Variants in RPGRIP1L observed in about 807,000 individuals in gnomAD.
RPGRIP1L encodes the protein RPGRIP1 like, also known as protein fantom.
A neutral mutation model predicts 160.4 loss-of-function variants in RPGRIP1L; 131 were observed. The observed-to-expected ratio is 0.82, with a 90% CI of 0.71 to 0.94. The LOEUF (loss-of-function observed/expected upper bound fraction) is 0.94, where lower values mean the gene tolerates loss of function less well. Among genes scored for constraint, RPGRIP1L ranks in the 40% least tolerant of loss-of-function variants. The probability of loss-of-function intolerance (pLI) is 0.00; values close to 1 mark genes in which losing one functional copy is unlikely to be tolerated. For synonymous variants in RPGRIP1L, 510 were observed against 515.8 expected (o/e 0.99, Z 0.15); for missense variants, 1,522 against 1,535.8 (o/e 0.99, Z 0.15).
intron 6 of RPGRIP1L, among the ~76,000 whole-genome samples, chr16:53,681,837 C>T (rs757951008): frequency 1.1e-4 from 17 of 152,204 alleles, no homozygotes; most frequent in East Asian, 1.9e-4. Flanking sequence ...ATTACAACTA[C>T]GTTAGGTTCA....
intron 22 of RPGRIP1L, among the ~76,000 whole-genome samples, chr16:53,626,399 G>C (rs1404547669): frequency 6.6e-6 from 1 of 152,060 alleles, no homozygotes; most frequent in African/African-American, 2.4e-5. Flanking sequence ...TCCCCTCTAC[G>C]TGTATGAATT....
intron 6 of RPGRIP1L, among the ~76,000 whole-genome samples, chr16:53,677,632 T>G (rs1215973072): frequency 1.3e-5 from 2 of 152,006 alleles, no homozygotes; most frequent in African/African-American, 2.4e-5. Context: ...GGTACAAGAA[T>G]AATGGGAGGA....
chr16:53,699,336 C>G (rs1017253509), intron 2 of RPGRIP1L, among the ~76,000 whole-genome samples: 1 of 141,882 alleles, frequency 7.0e-6, no homozygotes, highest in Non-Finnish European at 1.5e-5. Flanking sequence ...CACTATTGTC[C>G]TATGACCCTG....
intron 22 of RPGRIP1L, among the ~76,000 whole-genome samples, chr16:53,629,019 C>T (rs1965345065): frequency 6.6e-6 from 1 of 151,900 alleles, no homozygotes; most frequent in Non-Finnish European, 1.5e-5. Flanking sequence ...TAAATAGATA[C>T]AAACCTGAGG....
chr16:53,626,145 T>TAAAAAAAAAAAAAAAAA (rs760491478), intron 22 of RPGRIP1L, among the ~76,000 whole-genome samples: 3 of 60,534 alleles, frequency 5.0e-5, no homozygotes, highest in African/African-American at 1.3e-4. Context: ...CAATAAATAC[T>TAAAAAAAAAAAAAAAAA]AAAAAAAAAA....
intron 6 of RPGRIP1L, among the ~76,000 whole-genome samples, chr16:53,679,315 G>A (rs1326686674): frequency 1.3e-5 from 2 of 152,108 alleles, no homozygotes; most frequent in African/African-American, 4.8e-5. Flanking sequence ...TCAAATCCTG[G>A]CTCATCTTCT....
In RPGRIP1L at chr16:53,665,041, T is replaced by G. The variant is rs1473078258; in HGVS notation, c.1104-32A>C. 3.7e-6 allele frequency: 6 copies of G among 1,612,546 alleles called. No homozygotes were observed. The East Asian group carries it at 1.1e-4, about 30-fold the overall frequency. On this transcript the variant is annotated intron_variant, in intron 9 of 26. Transcript: ENST00000647211. ...AACACACGTGACATGCAAGGAAAGC[T>G]TGGAAATCAGCTTCAACCGAAAATA...
rs1222851971 is a variant in RPGRIP1L, at chr16:53,659,123, A to G, written c.1244-245T>C. On this transcript the variant is annotated intron_variant, in intron 10 of 26. Transcript: ENST00000647211. ...CAAGACATAAGTTCACAGTATTAAT[A>G]TAAGGAAATTGTGGCCTCTGGGACT... 9 of 623,818 alleles carry G rather than the reference A, an allele frequency of 1.4e-5. No individual in the cohort carries two copies. In the African/African-American group the frequency reaches 1.5e-4, roughly 10 times the overall value. 38.6% of individuals were successfully genotyped at this position (623,818 alleles called of 1,614,324 possible).
chr16:53,670,112 T>A (rs1384222669), intron 9 of RPGRIP1L, among the ~76,000 whole-genome samples: 1 of 152,322 alleles, frequency 6.6e-6, no homozygotes, highest in East Asian at 1.9e-4. Flanking sequence ...TCAGTCACTG[T>A]ACAAAGATAG....
At chr16:53,698,799 C>T (rs1323848150) in intron 2 of RPGRIP1L, among the ~76,000 whole-genome samples, 20 of 149,510 alleles carry the variant, frequency 1.3e-4, no homozygotes, top group African/African-American at 4.2e-4. Flanking sequence ...CCAGCCGCCT[C>T]GTCCGGGAGG....
chr16:53,675,854 TAG>T (rs1567868189), intron 6 of RPGRIP1L, among the ~76,000 whole-genome samples: 2 of 152,196 alleles, frequency 1.3e-5, no homozygotes, highest in Non-Finnish European at 2.9e-5. Context: ...AGGTTAATCA[TAG>T]ATCTAAATGA....
intron 9 of RPGRIP1L, among the ~76,000 whole-genome samples, chr16:53,665,842 C>T (rs761848071): frequency 1.2e-4 from 18 of 152,102 alleles, no homozygotes; most frequent in Non-Finnish European, 1.9e-4. Context: ...CCAGCTGCTA[C>T]GTAAGGACAC....
At chr16:53,691,932 A>G in intron 4 of RPGRIP1L, 134 bp downstream of exon 4, 2 of 826,314 alleles carry the variant, frequency 2.4e-6, no homozygotes, top group Admixed American at 2.2e-5. Flanking sequence ...TTATTTTATC[A>G]AAGTAAAAAA....
chr16:53,670,515 C>T (rs967426870), intron 9 of RPGRIP1L, among the ~76,000 whole-genome samples: 5 of 152,042 alleles, frequency 3.3e-5, no homozygotes, highest in Non-Finnish European at 7.4e-5. Context: ...ATCTGTATCA[C>T]TTAACCAAAC....
Position 53,688,892 on chromosome 16 carries a change from A to G in RPGRIP1L, c.530-927T>C, listed in dbSNP as rs559812244. Among the ~76,000 whole-genome samples, 3 of 152,140 alleles carry G rather than the reference A, an allele frequency of 2.0e-5. No individual in the cohort carries two copies. The East Asian group carries it at 5.8e-4, about 29-fold the overall frequency. On this transcript the variant is annotated intron_variant, in intron 4 of 26. Coordinates refer to ENST00000647211, the MANE Select transcript of RPGRIP1L (RefSeq NM_015272.5). Reference sequence around the variant, plus strand: ...GAATAGAAAAGGCTCTGCCTAAAACATTAAAATAGTTTACTGTGTTAGAAT... The same window carrying G: ...GAATAGAAAAGGCTCTGCCTAAAACGTTAAAATAGTTTACTGTGTTAGAAT...
At chr16:53,690,909 TTAGTTG>T (rs1331117734) in intron 4 of RPGRIP1L, among the ~76,000 whole-genome samples, 1 of 152,178 alleles carries the variant, frequency 6.6e-6, no homozygotes, top group Non-Finnish European at 1.5e-5. Context: ...TATGCTTACT[TTAGTTG>T]TATTCAGAGT....
chr16:53,679,567 GA>G (rs377716651), intron 6 of RPGRIP1L, among the ~76,000 whole-genome samples: 68 of 137,558 alleles, frequency 4.9e-4, no homozygotes, highest in African/African-American at 1.6e-3. Flanking sequence ...CACCTGGCAG[GA>G]ATCTGAACCT....
intron 14 of RPGRIP1L, among the ~76,000 whole-genome samples, chr16:53,655,022 ATT>A (rs1967129346): frequency 6.6e-6 from 1 of 152,146 alleles, no homozygotes; most frequent in Non-Finnish European, 1.5e-5. Flanking sequence ...GGTCACAACT[ATT>A]TTTATAATAA....
chr16:53,691,921 AT>A, intron 4 of RPGRIP1L, 144 bp downstream of exon 4: 1 of 767,858 alleles, frequency 1.3e-6, no homozygotes. Flanking sequence ...CACTGACAAT[AT>A]TATTTTATCA....
Sources: allele counts gnomAD v4.1 joint callset (sites outside exome capture counted in the v4.1 genomes callset), GRCh38; gene constraint gnomAD v4.1.1; transcripts MANE v1.5; gene names NCBI Gene and HGNC (gene_info 2026-07-23, HGNC 2026-07-21).